Variants in URI1 observed in about 807,000 individuals in gnomAD.
URI1 encodes unconventional prefoldin RPB5 interactor 1.
Under a neutral mutation model 60.2 loss-of-function variants are expected in URI1, and 39 were observed. That is an observed-to-expected ratio of 0.65 (90% CI 0.50 to 0.85). The LOEUF is 0.85. Ranked by LOEUF, URI1 falls within the 40% of genes least tolerant of loss-of-function variation. The probability of loss-of-function intolerance (pLI) is 0.00; values close to 1 mark genes in which losing one functional copy is unlikely to be tolerated. For missense variants in URI1, 691 were observed against 665.9 expected (o/e 1.04, Z -0.42); for synonymous variants, 251 against 236.8 (o/e 1.06, Z -0.55).
At chr19:29,941,983 G>C (rs1203229160), upstream of URI1, among the ~76,000 whole-genome samples, 1 of 150,760 alleles carries the variant, frequency 6.6e-6, no homozygotes, top group Non-Finnish European at 1.5e-5. Flanking sequence ...TAGAATGTAA[G>C]CTTTTTTTTT....
intron 1 of URI1, among the ~76,000 whole-genome samples, chr19:29,952,449 T>C (rs2055191751): frequency 6.6e-6 from 1 of 152,238 alleles, no homozygotes; most frequent in Non-Finnish European, 1.5e-5. Flanking sequence ...CTTATTCTAA[T>C]CAGTCAACTC....
At chr19:29,964,452 G>GTTTT (rs1380907956) in intron 1 of URI1, among the ~76,000 whole-genome samples, 1 of 137,260 alleles carries the variant, frequency 7.3e-6, no homozygotes, top group African/African-American at 2.8e-5. Flanking sequence ...TTTTGTTTTT[G>GTTTT]TTTTTTGTTT....
At chr19:29,925,081 C>T (rs2054854452) in intron 1 of URI1, among the ~76,000 whole-genome samples, 1 of 152,220 alleles carries the variant, frequency 6.6e-6, no homozygotes, top group Non-Finnish European at 1.5e-5. Flanking sequence ...GGTGATCCCC[C>T]TGCCTTGGCC....
intron 1 of URI1, among the ~76,000 whole-genome samples, chr19:29,944,478 A>G (rs1043137791): frequency 6.6e-6 from 1 of 152,040 alleles, no homozygotes; most frequent in East Asian, 1.9e-4. Flanking sequence ...TATTAAAAAG[A>G]TATCCTTAGT....
chr19:29,958,439 A>G (rs1158611889), intron 1 of URI1, among the ~76,000 whole-genome samples: 1 of 152,198 alleles, frequency 6.6e-6, no homozygotes, highest in Non-Finnish European at 1.5e-5. Context: ...GAATTTTATC[A>G]AATGTATTTT....
upstream of URI1, chr19:29,942,164 C>A (rs1298299088): frequency 2.1e-6 from 2 of 964,288 alleles, no homozygotes; most frequent in South Asian, 4.8e-5. Flanking sequence ...CCCCTGGGGG[C>A]GGGGCCTGCG....
At chr19:29,933,407 A>G (rs1394353915) in intron 1 of URI1, among the ~76,000 whole-genome samples, 4 of 152,186 alleles carry the variant, frequency 2.6e-5, no homozygotes, top group Non-Finnish European at 5.9e-5. Flanking sequence ...TTGGAGTACA[A>G]TTGTTTATAG....
intron 2 of URI1, among the ~76,000 whole-genome samples, chr19:29,975,896 T>C (rs930828435): frequency 6.6e-6 from 1 of 152,220 alleles, no homozygotes; most frequent in Non-Finnish European, 1.5e-5. Flanking sequence ...TGTTTGTGTA[T>C]GTATGTGTGT....
At chr19:30,012,842 A>C (rs143106826) in intron 10 of URI1, 1 of 233,910 alleles carries the variant, frequency 4.3e-6, no homozygotes, top group South Asian at 6.6e-5. Flanking sequence ...ATAAATTACC[A>C]GTAGGTCATT....
chr19:29,943,260 C>G (rs1399992923), intron 1 of URI1, among the ~76,000 whole-genome samples: 1 of 152,128 alleles, frequency 6.6e-6, no homozygotes, highest in Non-Finnish European at 1.5e-5. Flanking sequence ...GCACCCGGCT[C>G]ATTTTTACAA....
chr19:29,982,872 A>G (rs572700066), intron 2 of URI1, among the ~76,000 whole-genome samples: 3 of 152,238 alleles, frequency 2.0e-5, no homozygotes, highest in African/African-American at 7.2e-5. Context: ...AGTGTGTTAG[A>G]CCTTTTATAT....
chr19:29,991,755 T>C (rs551379892), intron 4 of URI1, among the ~76,000 whole-genome samples: 27 of 152,332 alleles, frequency 1.8e-4, no homozygotes, highest in African/African-American at 6.5e-4. Context: ...AAAAAATTAA[T>C]ACTCCCTATA....
chr19:29,964,270 AT>A (rs1241900939), intron 1 of URI1, among the ~76,000 whole-genome samples: 2 of 151,920 alleles, frequency 1.3e-5, no homozygotes, highest in Non-Finnish European at 2.9e-5. Flanking sequence ...TAAAGAGATA[AT>A]TTTTGTATTT....
In URI1 at chr19:29,942,426, C is replaced by T; in HGVS notation, c.-122C>T. 3.0e-6 allele frequency: 3 copies of T among 983,948 alleles called. No individual in the cohort carries two copies. The highest frequency in any genetic ancestry group is 3.6e-6 in the Non-Finnish European group (3 of 829,718). The allele number at this position is 983,948 out of a possible 1,614,324, so 61.0% of individuals were successfully genotyped here. ...CAGCGGCGGCGGCGGGCGCGGCCTC[C>T]TGGGCGCGGGGCGCGCGGTGCCTGA... On this transcript the variant is annotated 5_prime_UTR_variant, in exon 1 of 11. Coordinates refer to ENST00000392271, the MANE Select transcript of URI1 (RefSeq NM_003796.3).
chr19:29,988,376 A>G (rs568712998), intron 4 of URI1, among the ~76,000 whole-genome samples: 1 of 152,292 alleles, frequency 6.6e-6, no homozygotes, highest in South Asian at 2.1e-4. Context: ...CTGAGTTACA[A>G]CACGGGTCAT....
At position 29,980,569 on chromosome 19, in the gene URI1, A is replaced by G. The variant is rs964385282; in HGVS notation, c.153-4654A>G. On this transcript the variant is annotated intron_variant, in intron 2 of 10. Transcript: ENST00000392271. ...AGTATTTTCTGCTTGTCTGTTTAGG[A>G]TGTTAGGTAGAGGAAAAGAGAGTGA... is the stretch of plus-strand genomic sequence containing the variant. 4.5e-5 allele frequency among the ~76,000 whole-genome samples: 6 copies of G among 132,250 alleles called. No homozygotes were observed. The South Asian group carries it at 1.1e-3, about 23-fold the overall frequency. 86.8% of individuals were successfully genotyped at this position (132,250 alleles called of 152,430 possible).
At chr19:29,928,853 C>T (rs1307972301) in intron 1 of URI1, among the ~76,000 whole-genome samples, 1 of 152,104 alleles carries the variant, frequency 6.6e-6, no homozygotes, top group African/African-American at 2.4e-5. Context: ...AAGTGTGAAG[C>T]CAGGTCAAGG....
intron 1 of URI1, among the ~76,000 whole-genome samples, chr19:29,961,664 CT>C (rs1341999009): frequency 0.014 from 1,535 of 109,220 alleles, 14 homozygotes; most frequent in South Asian, 0.078. Flanking sequence ...GCTTTTGATT[CT>C]TTTTTTTTTG....
At chr19:30,001,776 T>C (rs2055881625) in intron 4 of URI1, among the ~76,000 whole-genome samples, 1 of 152,024 alleles carries the variant, frequency 6.6e-6, no homozygotes, top group African/African-American at 2.4e-5. Context: ...TTCCAAAATT[T>C]GGTTGACATT....
Sources: gnomAD v4.1 joint callset for allele counts (sites outside exome capture counted in the v4.1 genomes callset) on GRCh38, gnomAD v4.1.1 for gene constraint, MANE v1.5 for transcripts, NCBI Gene and HGNC (gene_info 2026-07-23, HGNC 2026-07-21) for gene names.